CNTN1: variants seen among roughly 807,000 people sequenced by gnomAD.
CNTN1 encodes contactin-1.
In CNTN1, 38 loss-of-function variants were observed where a neutral mutation model predicts 126.4. The ratio of observed to expected loss-of-function variants is 0.30; its 90% CI spans 0.23 to 0.39. CNTN1 has a LOEUF of 0.39. CNTN1 is among the 10% of genes least tolerant of loss of function. CNTN1 has a pLI of 1.00. For missense variants in CNTN1, 1,009 were observed against 1,248.4 expected (o/e 0.81, Z 2.89); for synonymous variants, 413 against 422.6 (o/e 0.98, Z 0.28).
chr12:40,748,613 A>G (rs1479531865), intron 1 of CNTN1, among the ~76,000 whole-genome samples: 6 of 152,188 alleles, frequency 3.9e-5, no homozygotes, highest in African/African-American at 1.4e-4. Flanking sequence ...TTTAAAACAC[A>G]ATGTAAAATC....
chr12:40,995,069 G>A (rs1436239950), intron 17 of CNTN1, among the ~76,000 whole-genome samples: 1 of 152,052 alleles, frequency 6.6e-6, no homozygotes, highest in Admixed American at 6.6e-5. Context: ...AAATGAAATG[G>A]ATGTGAAAAT....
At chr12:40,846,475 T>C (rs1023494170) in intron 1 of CNTN1, among the ~76,000 whole-genome samples, 1 of 152,038 alleles carries the variant, frequency 6.6e-6, no homozygotes, top group African/African-American at 2.4e-5. Context: ...CAGAAAAGAA[T>C]AAGAACTCAA....
At chr12:40,760,395 C>T (rs1565697238) in intron 1 of CNTN1, among the ~76,000 whole-genome samples, 1 of 151,476 alleles carries the variant, frequency 6.6e-6, no homozygotes, top group East Asian at 1.9e-4. Context: ...TTGTTTTATC[C>T]TATAAAAAAC....
At chr12:40,794,870 T>C (rs920192003) in intron 1 of CNTN1, among the ~76,000 whole-genome samples, 5 of 152,044 alleles carry the variant, frequency 3.3e-5, no homozygotes, top group Admixed American at 1.3e-4. Context: ...CATTGCACAC[T>C]ATGAGAGAAT....
intron 6 of CNTN1, among the ~76,000 whole-genome samples, chr12:40,929,566 T>C (rs947014351): frequency 6.6e-6 from 1 of 152,014 alleles, no homozygotes; most frequent in African/African-American, 2.4e-5. Context: ...TAATAGTTTA[T>C]TAAATAATAG....
chr12:40,971,514 T>C (rs1282868226), intron 15 of CNTN1: 1 of 1,595,926 alleles, frequency 6.3e-7, no homozygotes, highest in African/African-American at 1.3e-5. Context: ...AACCTGGTGA[T>C]CGTTGACACT....
At chr12:40,888,537 A>G (rs916997789) in intron 1 of CNTN1, among the ~76,000 whole-genome samples, 2 of 152,230 alleles carry the variant, frequency 1.3e-5, no homozygotes, top group Non-Finnish European at 2.9e-5. Flanking sequence ...AAACATAAAT[A>G]TAAATACAGA....
intron 1 of CNTN1, among the ~76,000 whole-genome samples, chr12:40,765,516 C>T (rs1187022920): frequency 6.6e-6 from 1 of 152,010 alleles, no homozygotes; most frequent in East Asian, 1.9e-4. Flanking sequence ...CAAAGGAGAA[C>T]AAGAATGAGT....
chr12:40,733,369 A>AT (rs1030208978), intron 1 of CNTN1, among the ~76,000 whole-genome samples: 9 of 151,756 alleles, frequency 5.9e-5, no homozygotes, highest in East Asian at 5.8e-4. Context: ...TAAAAGTCAG[A>AT]TTTTTTTTCA....
At chr12:40,703,801 G>GGAGA (rs3041725) in intron 1 of CNTN1, among the ~76,000 whole-genome samples, 149,526 of 151,720 alleles carry the variant, frequency 0.99, 73,703 homozygotes, top group Middle Eastern at 1. Flanking sequence ...GTGAGAGGAG[G>GGAGA]GAGAGAGAGA....
At position 40,929,351 on chromosome 12, in the gene CNTN1, C is replaced by A. The variant is rs1188412021; in HGVS notation, c.497-445C>A. ...TAAAATAGGTGCACACACACACACA[C>A]ACAAAAAAAAAAAGATAAAGCAATA... On this transcript the variant is annotated intron_variant, in intron 6 of 23. Coordinates refer to ENST00000551295, the MANE Select transcript of CNTN1 (RefSeq NM_001843.4). 4.0e-3 allele frequency among the ~76,000 whole-genome samples: 593 copies of A among 146,558 alleles called. 3 individuals are homozygous for A. The highest frequency in any genetic ancestry group is 0.014 in the African/African-American group (556 of 39,264).
At chr12:40,760,058 A>T (rs1055428082) in intron 1 of CNTN1, among the ~76,000 whole-genome samples, 1 of 152,090 alleles carries the variant, frequency 6.6e-6, no homozygotes, top group Non-Finnish European at 1.5e-5. Flanking sequence ...TCTGGAATCA[A>T]CCACTCCTCC....
rs779232909 is a variant in CNTN1 at position 41,025,147 on chromosome 12, C to T, written c.2524-3C>T. Reference sequence around the variant, plus strand: ...AAATATAACTCATCCTGAATGTTTGCAGATTCGGTATTGGGCTGCCCATGA... The same window carrying T: ...AAATATAACTCATCCTGAATGTTTGTAGATTCGGTATTGGGCTGCCCATGA... On this transcript the variant is annotated splice_region_variant and splice_polypyrimidine_tract_variant and intron_variant, in intron 20 of 23. Coordinates refer to ENST00000551295, the MANE Select transcript of CNTN1 (RefSeq NM_001843.4). 1.2e-6 allele frequency: 2 copies of T among 1,613,416 alleles called. No homozygotes were observed. Among genetic ancestry groups the T allele is most frequent in the Non-Finnish European group, 1.7e-6 (2 of 1,179,748 alleles).
At chr12:41,029,637 G>T (rs145911820) in intron 23 of CNTN1, among the ~76,000 whole-genome samples, 1 of 151,840 alleles carries the variant, frequency 6.6e-6, no homozygotes, top group Non-Finnish European at 1.5e-5. Context: ...AATTAAAATG[G>T]CATAATTTAT....
chr12:40,820,618 C>T (rs1196866693), intron 1 of CNTN1, among the ~76,000 whole-genome samples: 2 of 152,040 alleles, frequency 1.3e-5, no homozygotes, highest in Admixed American at 6.5e-5. Flanking sequence ...GAGGTAGCAT[C>T]ACAATAATAA....
At chr12:40,772,755 C>A (rs1282685364) in intron 1 of CNTN1, among the ~76,000 whole-genome samples, 2 of 151,796 alleles carry the variant, frequency 1.3e-5, no homozygotes, top group Non-Finnish European at 2.9e-5. Context: ...ATCAATGCGC[C>A]AGATAAACTG....
chr12:40,958,395 G>A (rs900984373), intron 14 of CNTN1, among the ~76,000 whole-genome samples: 2 of 150,350 alleles, frequency 1.3e-5, no homozygotes, highest in African/African-American at 2.4e-5. Context: ...ATGTATGTAT[G>A]TATATACTTG....
At chr12:41,000,903 A>T (rs1948344581) in intron 17 of CNTN1, among the ~76,000 whole-genome samples, 1 of 152,110 alleles carries the variant, frequency 6.6e-6, no homozygotes, top group Admixed American at 6.5e-5. Context: ...CTGTTCTTGC[A>T]CTAATTTGCT....
intron 23 of CNTN1, among the ~76,000 whole-genome samples, chr12:41,057,134 A>C (rs1186813899): frequency 7.0e-6 from 1 of 143,696 alleles, no homozygotes; most frequent in Non-Finnish European, 1.5e-5. Flanking sequence ...GATATTTATA[A>C]ATATTATATT....
Sources: gnomAD v4.1 joint callset for allele counts (sites outside exome capture counted in the v4.1 genomes callset) on GRCh38, gnomAD v4.1.1 for gene constraint, MANE v1.5 for transcripts, NCBI Gene and HGNC (gene_info 2026-07-23, HGNC 2026-07-21) for gene names.